Variants in PLEKHG5 observed in about 807,000 individuals in gnomAD.
PLEKHG5 encodes the protein pleckstrin homology and RhoGEF domain containing G5, also known as pleckstrin homology domain-containing family G member 5.
Under a neutral mutation model 103.8 loss-of-function variants are expected in PLEKHG5, and 52 were observed. The ratio of observed to expected loss-of-function variants is 0.50; its 90% confidence interval spans 0.40 to 0.63. PLEKHG5 has a LOEUF of 0.63. Among genes scored for constraint, PLEKHG5 ranks in the 30% least tolerant of loss-of-function variants. The probability of loss-of-function intolerance (pLI) is 0.00; values close to 1 mark genes in which losing one functional copy is unlikely to be tolerated. For synonymous variants in PLEKHG5, 592 were observed against 575.5 expected (o/e 1.03, Z -0.41); for missense variants, 1,205 against 1,347.6 (o/e 0.89, Z 1.66).
intron 1 of PLEKHG5, chr1:6,485,550 G>A (rs1569939582): frequency 1.9e-6 from 2 of 1,078,614 alleles, no homozygotes; most frequent in Admixed American, 5.0e-5. Flanking sequence ...CGGGGACCCC[G>A]GGGAGGGCCG....
rs111624565 is a variant in PLEKHG5 at position 6,473,052 on chromosome 1, G to A, written c.918C>T (p.Asp306=). The change falls in exon 9 of 21, where the codon GAC becomes GAT. Residue 306 remains aspartate (D), a synonymous_variant. Transcript: ENST00000377728. Reference sequence around the variant, plus strand: ...TCAGGCAGGCATTGTCCTCATCCTCGTCTTCATCGTACTCCTCCTCCCAGG... The same window carrying A: ...TCAGGCAGGCATTGTCCTCATCCTCATCTTCATCGTACTCCTCCTCCCAGG... ...HDSWEEEYDE[D]EDEDNACLRL... is the part of the protein sequence containing the mutation. 1,994 of 1,613,902 alleles carry A rather than the reference G, an allele frequency of 1.2e-3. 2 individuals are homozygous for A. Among genetic ancestry groups the A allele is most frequent in the Non-Finnish European group, 1.5e-3 (1,797 of 1,179,896 alleles).
At chr1:6,497,811 C>T (rs1263161126), upstream of PLEKHG5, among the ~76,000 whole-genome samples, 1 of 152,204 alleles carries the variant, frequency 6.6e-6, no homozygotes, top group Admixed American at 6.5e-5. The surrounding 1 kb of genome is among the most constrained non-coding windows in gnomAD (Gnocchi z 6.1). Flanking sequence ...TCGCCTGCCA[C>T]GGCTCTTGCT....
chr1:6,496,032 C>A (rs1193903896), upstream of PLEKHG5, among the ~76,000 whole-genome samples: 1 of 152,248 alleles, frequency 6.6e-6, no homozygotes, highest in Non-Finnish European at 1.5e-5. Context: ...CTTTTGTCAT[C>A]CCCAGGGCCA....
At chr1:6,497,331 GC>G, upstream of PLEKHG5, 6 of 984,754 alleles carry the variant, frequency 6.1e-6, no homozygotes, top group Non-Finnish European at 6.5e-6. The surrounding 1 kb of genome is among the most constrained non-coding windows in gnomAD (Gnocchi z 6.1). Flanking sequence ...CATGGAGCAG[GC>G]CCCGTGCCGC....
At chr1:6,467,693 T>G in intron 20 of PLEKHG5, 121 bp from the exon 21 acceptor site, 1 of 1,456,548 alleles carries the variant, frequency 6.9e-7, no homozygotes, top group South Asian at 1.1e-5. Flanking sequence ...CACAGCCCCC[T>G]GCGCCCAGAC....
intron 19 of PLEKHG5, 100 bp downstream of exon 19, chr1:6,468,942 G>A: frequency 2.0e-6 from 2 of 1,009,088 alleles, no homozygotes; most frequent in Middle Eastern, 2.0e-4. Context: ...TTCATGACAA[G>A]AGGCCATTGG....
chr1:6,517,150 A>T (rs1260691964), intron 1 of PLEKHG5, among the ~76,000 whole-genome samples: 2 of 150,736 alleles, frequency 1.3e-5, no homozygotes, highest in South Asian at 2.1e-4. Context: ...TACTAAAAAT[A>T]CAAAAAATTA....
chr1:6,474,626 C>T (rs765334475), intron 5 of PLEKHG5, 39 bp from the exon 6 acceptor site: 33 of 1,609,856 alleles, frequency 2.0e-5, no homozygotes, highest in African/African-American at 1.9e-4. Flanking sequence ...TAGAACCAGG[C>T]GGCCAGTCGC....
chr1:6,474,873 C>A (rs952296598), intron 5 of PLEKHG5, 174 bp downstream of exon 5: 4 of 723,268 alleles, frequency 5.5e-6, no homozygotes, highest in African/African-American at 5.2e-5. Context: ...CAGACCCCAC[C>A]GCACTCCCTC....
rs764007395 is a variant in PLEKHG5, at chr1:6,468,347, A to G, written c.2489T>C (p.Phe830Ser). Residue 830 changes from phenylalanine to serine, a missense_variant, in exon 20 of 21, where the codon TTT becomes TCT. Coordinates refer to ENST00000377728, the MANE Select transcript of PLEKHG5 (RefSeq NM_020631.6). ...CTCTGCCATTGGGCCTGGGGCCACA[A>G]AGTCTTGTAAGGAGGTTGGGGAGAG... ...GTLSPTSLQD[F>S]VAPGPMAELV... The G allele has an allele frequency of 5.0e-6, 8 of 1,609,234 alleles. No homozygotes were observed. The highest frequency in any genetic ancestry group is 1.7e-5 in the Admixed American group (1 of 59,222).
At chr1:6,498,126 C>T (rs1340059381), upstream of PLEKHG5, among the ~76,000 whole-genome samples, 1 of 152,218 alleles carries the variant, frequency 6.6e-6, no homozygotes, top group Non-Finnish European at 1.5e-5. Context: ...GAAACAGCCT[C>T]GCAGAGGTGG....
rs750261495 is a variant in PLEKHG5 at position 6,469,443 on chromosome 1, G to A, written c.1941C>T (p.Phe647=). 1.9e-6 allele frequency: 3 copies of A among 1,613,976 alleles called. No homozygotes were observed. The highest frequency in any genetic ancestry group is 2.5e-6 in the Non-Finnish European group (3 of 1,179,972). ...GAAACTCATTCAGGTAGATAAGGAG[G>A]AAGGACCCTGGTTAGGGAAGGCCCA... is the stretch of plus-strand genomic sequence containing the variant. ...VCRELRDPGS[F]LLIYLNEFHS... is the part of the protein sequence containing the mutation. Residue 647 remains phenylalanine (F), a synonymous_variant, in exon 18 of 21, where the codon TTC becomes TTT. Coordinates refer to ENST00000377728, the MANE Select transcript of PLEKHG5 (RefSeq NM_020631.6).
At position 6,489,461 on chromosome 1, in the gene PLEKHG5, G is replaced by A. The variant is rs543935653; in HGVS notation, c.-88+2176C>T. ...CCACCGCACGGGCCCTGGAAGCCAGGAAGGCCCCTTCCTCCCCAGGGAGCG... is the reference window on the plus strand; with the variant it reads ...CCACCGCACGGGCCCTGGAAGCCAGAAAGGCCCCTTCCTCCCCAGGGAGCG... On this transcript the variant is annotated intron_variant, in intron 1 of 20. Transcript: ENST00000377728. 1.1e-4 allele frequency among the ~76,000 whole-genome samples: 16 copies of A among 152,324 alleles called. No individual in the cohort carries two copies. In the South Asian group the frequency reaches 3.3e-3, roughly 32 times the overall value.
chr1:6,506,729 T>C (rs1638333582), intron 1 of PLEKHG5, among the ~76,000 whole-genome samples: 1 of 152,126 alleles, frequency 6.6e-6, no homozygotes, highest in Non-Finnish European at 1.5e-5. Context: ...GTCCCTCACC[T>C]CCACTGAGCC....
intron 1 of PLEKHG5, among the ~76,000 whole-genome samples, chr1:6,507,426 G>C (rs1449981954): frequency 1.3e-5 from 2 of 152,196 alleles, no homozygotes; most frequent in Non-Finnish European, 1.5e-5. Context: ...ACGGGGCCAA[G>C]GGCAGCTTGC....
chr1:6,503,979 G>A (rs541028196), intron 1 of PLEKHG5, among the ~76,000 whole-genome samples: 13 of 152,332 alleles, frequency 8.5e-5, no homozygotes, highest in East Asian at 3.9e-4. Flanking sequence ...CTCTGCAGAC[G>A]GCGAGCAGCC....
intron 1 of PLEKHG5, among the ~76,000 whole-genome samples, chr1:6,515,186 T>C (rs761547655): frequency 6.6e-6 from 1 of 152,322 alleles, no homozygotes; most frequent in African/African-American, 2.4e-5. Context: ...CTTCCAACAG[T>C]GACGGAGTCA....
At chr1:6,502,810 A>G (rs1645310298) in intron 1 of PLEKHG5, among the ~76,000 whole-genome samples, 1 of 152,198 alleles carries the variant, frequency 6.6e-6, no homozygotes, top group Non-Finnish European at 1.5e-5. Context: ...GAGCCCACAC[A>G]GACAGCCGTG....
At position 6,491,285 on chromosome 1, in the gene PLEKHG5, A is replaced by G; in HGVS notation, c.-88+352T>C. On this transcript the variant is annotated intron_variant, in intron 1 of 20. Transcript: ENST00000377728. This position sits in a 1 kb window ranked among gnomAD's most constrained non-coding sequence, Gnocchi z 4.1. ...TCCACCAACCTGTTCCGCACTTTCA[A>G]GCTTTTTATACAGCCTTCCCCCGAC... Among the ~76,000 whole-genome samples the G allele has an allele frequency of 6.6e-6, 1 of 151,992 alleles. No individual in the cohort carries two copies. Among genetic ancestry groups the G allele is most frequent in the East Asian group, 1.9e-4 (1 of 5,176 alleles).
Sources: allele counts gnomAD v4.1 joint callset (sites outside exome capture counted in the v4.1 genomes callset), GRCh38; gene constraint gnomAD v4.1.1; non-coding constraint Gnocchi (gnomAD v3.1); transcripts MANE v1.5; gene names NCBI Gene and HGNC (gene_info 2026-07-23, HGNC 2026-07-21).